Variants in PSMD1 observed in about 807,000 individuals in gnomAD.
PSMD1 encodes 26S proteasome non-ATPase regulatory subunit 1.
In PSMD1, 18 loss-of-function variants were observed where a neutral mutation model predicts 119.0. The observed-to-expected ratio is 0.15, with a 90% confidence interval of 0.10 to 0.22. The LOEUF is 0.22. Among genes scored for constraint, PSMD1 ranks in the 10% least tolerant of loss-of-function variants. The pLI is 1.00. For missense variants in PSMD1, 702 were observed against 1,158.5 expected (o/e 0.61, Z 5.72); for synonymous variants, 374 against 396.6 (o/e 0.94, Z 0.68).
rs372863506 is a variant in PSMD1, at chr2:231,079,524, C to T, written c.1161-12C>T. 1.9e-6 allele frequency: 3 copies of T among 1,567,618 alleles called. No individual in the cohort carries two copies. The highest frequency in any genetic ancestry group is 1.4e-5 in the African/African-American group (1 of 73,402). ...TTTAACACTAATTAAAATACATCAT[C>T]TTTTTTTACAGAGATAATTTGGAAT... On this transcript the variant is annotated splice_polypyrimidine_tract_variant and intron_variant, in intron 10 of 24. Transcript: ENST00000308696.
At chr2:231,090,109 C>T (rs1694551205) in intron 16 of PSMD1, among the ~76,000 whole-genome samples, 1 of 152,174 alleles carries the variant, frequency 6.6e-6, no homozygotes, top group South Asian at 2.1e-4. Flanking sequence ...GCACTTGGTC[C>T]CCCATGGGTT....
chr2:231,067,123 A>G lies in PSMD1; in HGVS notation c.510+12A>G, dbSNP rs1233494066. On this transcript the variant is annotated intron_variant, in intron 5 of 24. Coordinates refer to ENST00000308696, the MANE Select transcript of PSMD1 (RefSeq NM_002807.4). ...CCATACTGGAGTCGGTAGGTAGATG[A>G]TGTTATTTTAGAAATTATTGTTGAT... The G allele has an allele frequency of 6.5e-7, 1 of 1,544,228 alleles. No homozygotes were observed. The highest frequency in any genetic ancestry group is 2.3e-5 in the East Asian group (1 of 43,290).
At chr2:231,159,984 GGT>G (rs1696598570) in intron 19 of PSMD1, among the ~76,000 whole-genome samples, 1 of 152,344 alleles carries the variant, frequency 6.6e-6, no homozygotes, top group Middle Eastern at 3.4e-3. Context: ...GAGCTCAGGT[GGT>G]AATGCTCACT....
chr2:231,085,575 A>G lies in PSMD1; in HGVS notation c.1818+461A>G, dbSNP rs185602993. ...GAAAGTGAAGTGGACAGTGAGCTATAATTATGCCACCGCACTCTAGCCTGT... is the reference window on the plus strand; with the variant it reads ...GAAAGTGAAGTGGACAGTGAGCTATGATTATGCCACCGCACTCTAGCCTGT... On this transcript the variant is annotated intron_variant, in intron 15 of 24. Transcript: ENST00000308696. Among the ~76,000 whole-genome samples the G allele has an allele frequency of 1.4e-3, 210 of 152,288 alleles. 1 individual carries two copies. Among genetic ancestry groups the G allele is most frequent in the Non-Finnish European group, 2.4e-3 (161 of 68,018 alleles).
At chr2:231,061,056 A>C (rs923473231) in intron 1 of PSMD1, among the ~76,000 whole-genome samples, 1 of 152,214 alleles carries the variant, frequency 6.6e-6, no homozygotes, top group Non-Finnish European at 1.5e-5. Context: ...AAATGATGTA[A>C]TATATGTGGT....
chr2:231,123,639 T>G lies in PSMD1; in HGVS notation c.1884-15097T>G, dbSNP rs147703298. The G allele has an allele frequency of 1.4e-5, 22 of 1,614,112 alleles. No individual in the cohort carries two copies. In the African/African-American group the frequency reaches 2.7e-4, roughly 20 times the overall value. ...CCTGTTCCTCAACAATCTGTTTCAT[T>G]TCCTCTGGTATTGATTCTGTCTGTA... On this transcript the variant is annotated intron_variant, in intron 16 of 24. Coordinates refer to ENST00000308696, the MANE Select transcript of PSMD1 (RefSeq NM_002807.4).
intron 16 of PSMD1, chr2:231,109,292 G>A (rs1559233916): frequency 6.2e-7 from 1 of 1,614,146 alleles, no homozygotes. Context: ...GAAGAAGGCA[G>A]CCAGTGAGCC....
intron 15 of PSMD1, among the ~76,000 whole-genome samples, chr2:231,086,450 A>T (rs1662922513): frequency 6.6e-6 from 1 of 152,164 alleles, no homozygotes; most frequent in African/African-American, 2.4e-5. Context: ...TCTGGTCAGG[A>T]GTTTAAGACT....
At chr2:231,139,053 G>T in intron 17 of PSMD1, 1 of 646,900 alleles carries the variant, frequency 1.5e-6, no homozygotes, top group Non-Finnish European at 2.9e-6. Context: ...CACATTACAT[G>T]GATAGCTGTA....
intron 16 of PSMD1, among the ~76,000 whole-genome samples, chr2:231,102,305 G>C: frequency 6.6e-6 from 1 of 151,994 alleles, no homozygotes; most frequent in East Asian, 1.9e-4. Flanking sequence ...AATACCTTGA[G>C]GTATTTTATT....
intron 16 of PSMD1, chr2:231,123,499 G>A: frequency 6.2e-7 from 1 of 1,614,038 alleles, no homozygotes; most frequent in Non-Finnish European, 8.5e-7. Flanking sequence ...AAAGTAATTA[G>A]TAGCATACTG....
intron 7 of PSMD1, among the ~76,000 whole-genome samples, chr2:231,072,893 C>T (rs115491030): frequency 0.016 from 2,482 of 152,112 alleles, 36 homozygotes; most frequent in Non-Finnish European, 0.023. Context: ...GTATTTTACA[C>T]GTTTAGATCA....
Position 231,163,747 on chromosome 2 carries a change from T to C in PSMD1, c.2481+20T>C. 6.5e-7 allele frequency: 1 copy of C among 1,547,262 alleles called. No individual in the cohort carries two copies. The highest frequency in any genetic ancestry group is 8.9e-7 in the Non-Finnish European group (1 of 1,123,268). On this transcript the variant is annotated intron_variant, in intron 21 of 24. Transcript: ENST00000308696. ...GAAAAGGTAGGTTCTTTGTTCCTTT[T>C]AGCAGCATTTGTACTTAAATATAGG...
At chr2:231,135,967 G>A (rs992960192) in intron 16 of PSMD1, among the ~76,000 whole-genome samples, 18 of 152,168 alleles carry the variant, frequency 1.2e-4, no homozygotes, top group South Asian at 6.2e-4. Flanking sequence ...CATAAACTTC[G>A]TTCTACTCCT....
chr2:231,076,075 G>A (rs116564468), intron 8 of PSMD1, among the ~76,000 whole-genome samples: 1 of 152,086 alleles, frequency 6.6e-6, no homozygotes, highest in Non-Finnish European at 1.5e-5. Context: ...TTGATCCGAA[G>A]AAAACATTTA....
intron 19 of PSMD1, among the ~76,000 whole-genome samples, chr2:231,155,553 C>T (rs1696466146): frequency 6.6e-6 from 1 of 150,486 alleles, no homozygotes; most frequent in Admixed American, 6.6e-5. Context: ...ATCCTTTTTT[C>T]TTTATTAGGT....
At position 231,163,649 on chromosome 2, in the gene PSMD1, G is replaced by T; in HGVS notation, c.2403G>T (p.Gln801His). 2 of 1,611,750 alleles carry T rather than the reference G, an allele frequency of 1.2e-6. No homozygotes were observed. Among genetic ancestry groups the T allele is most frequent in the Non-Finnish European group, 1.7e-6 (2 of 1,178,164 alleles). The change falls in exon 21 of 25, where the codon CAG becomes CAT. Residue 801 changes from glutamine (Q) to histidine (H), a missense_variant. By Grantham distance (24) the Gln-to-His change is conservative. Around this residue, in one of 9 missense-constraint regions of PSMD1, gnomAD observed 152 missense variants for 239.3 expected, o/e 0.64. Coordinates refer to ENST00000308696, the MANE Select transcript of PSMD1 (RefSeq NM_002807.4). ...AATTTCTTCAGATGCCGAAAGTTCA[G>T]TATAAATCGAACTGTAAACCATCCA... ...LNKDLKMPKV[Q>H]YKSNCKPSTF...
intron 16 of PSMD1, among the ~76,000 whole-genome samples, chr2:231,113,096 C>T (rs975410830): frequency 3.3e-5 from 5 of 151,998 alleles, no homozygotes; most frequent in African/African-American, 9.7e-5. Context: ...CCCGGGAAGT[C>T]GAGGCAGCAG....
At chr2:231,164,155 G>A (rs1345003125) in intron 21 of PSMD1, among the ~76,000 whole-genome samples, 3 of 151,868 alleles carry the variant, frequency 2.0e-5, no homozygotes, top group Non-Finnish European at 2.9e-5. Context: ...TTCATTTAAG[G>A]TTATTTCTCA....
Sources: allele counts gnomAD v4.1 joint callset (sites outside exome capture counted in the v4.1 genomes callset), GRCh38; gene constraint gnomAD v4.1.1; regional missense constraint gnomAD v4.1.1; transcripts MANE v1.5; gene names NCBI Gene and HGNC (gene_info 2026-07-23, HGNC 2026-07-21).